Variants in NCAM1 observed in about 807,000 individuals in gnomAD.
NCAM1 encodes neural cell adhesion molecule 1, also known as antigen recognized by monoclonal antibody 5.1H11.
A neutral mutation model predicts 109.8 loss-of-function variants in NCAM1; 14 were observed. That is an observed-to-expected ratio of 0.13 (90% confidence interval 0.08 to 0.20). The LOEUF is 0.20. Ranked by LOEUF, NCAM1 falls within the 10% of genes least tolerant of loss-of-function variation. NCAM1 has a pLI of 1.00. For missense variants in NCAM1, 774 were observed against 1,109.9 expected, an observed-to-expected ratio of 0.70 and a Z score of 4.30; for synonymous variants, 418 against 442.9, an observed-to-expected ratio of 0.94 and a Z score of 0.70.
At chr11:113,240,883 C>T in intron 14 of NCAM1, 1 of 1,562,248 alleles carries the variant, frequency 6.4e-7, no homozygotes, top group Non-Finnish European at 8.8e-7. Flanking sequence ...TTTCCACCAG[C>T]CACAGTTTGT....
intron 1 of NCAM1, among the ~76,000 whole-genome samples, chr11:113,009,034 TG>T (rs1951963278): frequency 6.6e-6 from 1 of 152,188 alleles, no homozygotes; most frequent in African/African-American, 2.4e-5. Context: ...TGCAATAACC[TG>T]GTCTAAGTAT....
intron 14 of NCAM1, chr11:113,242,691 A>G: frequency 3.4e-6 from 3 of 878,996 alleles, no homozygotes; most frequent in Non-Finnish European, 3.8e-6. Context: ...TGATGCCTAC[A>G]TATGTATAAT....
intron 14 of NCAM1, among the ~76,000 whole-genome samples, chr11:113,244,453 G>C (rs189130637): frequency 1.3e-5 from 2 of 152,332 alleles, no homozygotes; most frequent in East Asian, 3.9e-4. Flanking sequence ...TGGATACTGA[G>C]ATAAAGGAAA....
At chr11:113,062,954 T>G (rs1389448005) in intron 1 of NCAM1, among the ~76,000 whole-genome samples, 2 of 151,452 alleles carry the variant, frequency 1.3e-5, no homozygotes, top group African/African-American at 4.9e-5. Context: ...GGCAACAGAG[T>G]GAGATTCCAT....
intron 1 of NCAM1, among the ~76,000 whole-genome samples, chr11:113,008,152 T>A (rs935179825): frequency 6.6e-6 from 1 of 152,220 alleles, no homozygotes; most frequent in Non-Finnish European, 1.5e-5. Context: ...TTCTTCATAG[T>A]CTTATTCCAG....
At chr11:113,245,040 C>T (rs1354509966) in intron 14 of NCAM1, among the ~76,000 whole-genome samples, 4 of 151,906 alleles carry the variant, frequency 2.6e-5, no homozygotes, top group Admixed American at 1.3e-4. Flanking sequence ...TTTAACAAGT[C>T]GAGATCACTC....
chr11:113,027,200 A>G lies in NCAM1; in HGVS notation c.52+65536A>G, dbSNP rs145288362. ...TGTTGCTTCACCAAAAAATAAATAA[A>G]TAAAACAAAAGCCTAGGAATTATGT... On this transcript the variant is annotated intron_variant, in intron 1 of 19. Coordinates refer to ENST00000316851, the MANE Select transcript of NCAM1 (RefSeq NM_181351.5). 6.8e-4 allele frequency among the ~76,000 whole-genome samples: 103 copies of G among 152,384 alleles called. 1 individual carries two copies. Among genetic ancestry groups the G allele is most frequent in the African/African-American group, 2.4e-3 (100 of 41,594 alleles).
At chr11:113,172,232 G>A (rs942251814) in intron 1 of NCAM1, among the ~76,000 whole-genome samples, 23 of 152,130 alleles carry the variant, frequency 1.5e-4, no homozygotes, top group African/African-American at 4.1e-4. Flanking sequence ...GTTTTGTCCC[G>A]TCAGCCCAGG....
At chr11:113,116,659 T>C (rs2003898) in intron 1 of NCAM1, among the ~76,000 whole-genome samples, 86,281 of 151,034 alleles carry the variant, frequency 0.57, 25,139 homozygotes, top group African/African-American at 0.63. Flanking sequence ...AGAGCAAGAC[T>C]GATCAATAAG....
At position 113,119,820 on chromosome 11, in the gene NCAM1, T is replaced by C. The variant is rs543009231; in HGVS notation, c.53-82559T>C. On this transcript the variant is annotated intron_variant, in intron 1 of 19. Coordinates refer to ENST00000316851, the MANE Select transcript of NCAM1 (RefSeq NM_181351.5). ...AAATACTATTTTAATGTATTAGAGA[T>C]AAACAGAATTTTATTAATGTCAGCC... Among the ~76,000 whole-genome samples, 458 of 152,232 alleles carry C rather than the reference T, an allele frequency of 3.0e-3. 2 individuals carry two copies. The highest frequency in any genetic ancestry group is 0.011 in the African/African-American group (439 of 41,548).
chr11:113,242,927 G>T, intron 14 of NCAM1: 1 of 1,607,446 alleles, frequency 6.2e-7, no homozygotes. Context: ...AGCGCTGCCT[G>T]TTGTTTTCCC....
chr11:113,277,146 C>T lies in NCAM1; in HGVS notation c.*1759C>T, dbSNP rs1038910429. ...GCTAAGTAAACAGAAATCAGTACTCCGCATGCGCTCCTCTCCTAAGGTACA... is the reference window on the plus strand; with the variant it reads ...GCTAAGTAAACAGAAATCAGTACTCTGCATGCGCTCCTCTCCTAAGGTACA... On this transcript the variant is annotated 3_prime_UTR_variant, in exon 20 of 20. Transcript: ENST00000316851. 3 of 393,798 alleles carry T rather than the reference C, an allele frequency of 7.6e-6. No individual in the cohort carries two copies. Among genetic ancestry groups the T allele is most frequent in the East Asian group, 3.6e-5 (1 of 27,808 alleles). 24.4% of individuals were successfully genotyped at this position (393,798 alleles called of 1,614,324 possible).
chr11:113,164,915 C>A (rs1183735961), intron 1 of NCAM1, among the ~76,000 whole-genome samples: 1 of 152,142 alleles, frequency 6.6e-6, no homozygotes, highest in Admixed American at 6.5e-5. Flanking sequence ...TGATGACCAA[C>A]CCCAGCCAGG....
intron 1 of NCAM1, among the ~76,000 whole-genome samples, chr11:113,100,817 T>C (rs1469226357): frequency 6.6e-6 from 1 of 152,156 alleles, no homozygotes; most frequent in Admixed American, 6.5e-5. Context: ...TTCTCATTTA[T>C]GGCCGCGGGC....
chr11:113,056,027 A>AT (rs1953700945), intron 1 of NCAM1, among the ~76,000 whole-genome samples: 3 of 122,686 alleles, frequency 2.4e-5, no homozygotes, highest in African/African-American at 9.1e-5. Flanking sequence ...ATATATATAA[A>AT]ATATATATAT....
At chr11:113,221,610 G>A in intron 9 of NCAM1, 1 of 328,424 alleles carries the variant, frequency 3.0e-6, no homozygotes, top group East Asian at 5.7e-5. Context: ...GAAATAAATT[G>A]CCCCCAATTC....
chr11:113,124,622 C>CATAGCTCCTG (rs1941104322), intron 1 of NCAM1, among the ~76,000 whole-genome samples: 1 of 152,168 alleles, frequency 6.6e-6, no homozygotes, highest in African/African-American at 2.4e-5. Context: ...CATTCTTTGG[C>CATAGCTCCTG]ATAGCTCCTG....
At chr11:113,176,158 A>G (rs1193977948) in intron 1 of NCAM1, among the ~76,000 whole-genome samples, 1 of 152,180 alleles carries the variant, frequency 6.6e-6, no homozygotes, top group Admixed American at 6.5e-5. Context: ...CAAGCTGGGA[A>G]TCCAGAGATT....
chr11:113,186,060 C>G (rs1943500120), intron 1 of NCAM1, among the ~76,000 whole-genome samples: 1 of 152,222 alleles, frequency 6.6e-6, no homozygotes, highest in Non-Finnish European at 1.5e-5. Flanking sequence ...CAGCAACTAT[C>G]TTTTAAGGCA....
Sources: gnomAD v4.1 joint callset for allele counts (sites outside exome capture counted in the v4.1 genomes callset) on GRCh38, gnomAD v4.1.1 for gene constraint, MANE v1.5 for transcripts, NCBI Gene and HGNC (gene_info 2026-07-23, HGNC 2026-07-21) for gene names.